ZEB2: variants seen among roughly 807,000 people sequenced by gnomAD.
ZEB2 encodes the protein zinc finger E-box binding homeobox 2.
ZEB2 carries 6 observed loss-of-function variants against 99.9 expected under a neutral mutation model. The observed-to-expected ratio is 0.06, with a 90% CI of 0.03 to 0.12. ZEB2 has a LOEUF of 0.12. Ranked by LOEUF, ZEB2 falls within the 10% of genes least tolerant of loss-of-function variation. The pLI is 1.00. For synonymous variants in ZEB2, 517 were observed against 542.5 expected, an observed-to-expected ratio of 0.95 and a Z score of 0.65; for missense variants, 969 against 1,502.8, an observed-to-expected ratio of 0.64 and a Z score of 5.87.
chr2:144,427,092 A>G (rs1703699787), intron 3 of ZEB2: 1 of 152,192 alleles, frequency 6.6e-6, no homozygotes, highest in African/African-American at 2.4e-5. Flanking sequence ...CACTTGTAAA[A>G]GTTTGCGTCT....
At chr2:144,439,347 TAG>T (rs1703877844) in intron 2 of ZEB2, among the ~76,000 whole-genome samples, 1 of 152,012 alleles carries the variant, frequency 6.6e-6, no homozygotes, top group Non-Finnish European at 1.5e-5. Context: ...GCAAAAGGGG[TAG>T]AAAAGATCTT....
At chr2:144,423,371 T>A (rs1295145740) in intron 4 of ZEB2, among the ~76,000 whole-genome samples, 3 of 152,368 alleles carry the variant, frequency 2.0e-5, no homozygotes, top group Admixed American at 1.3e-4. Flanking sequence ...ATAGAAAGTA[T>A]CTAATTCATG....
intron 2 of ZEB2, among the ~76,000 whole-genome samples, chr2:144,486,429 AG>A (rs1704598934): frequency 6.6e-6 from 1 of 152,064 alleles, no homozygotes; most frequent in African/African-American, 2.4e-5. Context: ...ATAAAATAAA[AG>A]AATGGTCATT....
chr2:144,445,706 C>G (rs933036992), intron 2 of ZEB2, among the ~76,000 whole-genome samples: 1 of 152,018 alleles, frequency 6.6e-6, no homozygotes. Flanking sequence ...AAATGCACCC[C>G]TCATTTTTTG....
chr2:144,456,117 GTT>G (rs531749927), intron 2 of ZEB2, among the ~76,000 whole-genome samples: 1 of 146,114 alleles, frequency 6.8e-6, no homozygotes, highest in Admixed American at 6.9e-5. Context: ...TTGTTCCATT[GTT>G]TTTTTTTTTT....
chr2:144,452,315 C>T (rs1252493238), intron 2 of ZEB2, among the ~76,000 whole-genome samples: 6 of 151,880 alleles, frequency 4.0e-5, no homozygotes, highest in Middle Eastern at 3.4e-3. Context: ...CTCCTATACG[C>T]GGCTGAAGTA....
At chr2:144,513,466 T>C in intron 2 of ZEB2, 1 of 1,501,336 alleles carries the variant, frequency 6.7e-7, no homozygotes, top group Non-Finnish European at 8.9e-7. Flanking sequence ...TTTCTTCTCC[T>C]ATTTCCCTTT....
chr2:144,407,589 A>C (rs1377898468), intron 4 of ZEB2, among the ~76,000 whole-genome samples: 1 of 152,212 alleles, frequency 6.6e-6, no homozygotes, highest in East Asian at 1.9e-4. Context: ...TTTTGATGGG[A>C]AGAAAGGATA....
At chr2:144,459,939 T>C (rs1472021249) in intron 2 of ZEB2, among the ~76,000 whole-genome samples, 2 of 152,114 alleles carry the variant, frequency 1.3e-5, no homozygotes, top group African/African-American at 2.4e-5. Context: ...CTGTGCATCA[T>C]AGGCATGCAA....
chr2:144,493,659 C>T (rs1053681445), intron 2 of ZEB2, among the ~76,000 whole-genome samples: 1 of 152,084 alleles, frequency 6.6e-6, no homozygotes, highest in Non-Finnish European at 1.5e-5. Context: ...TGAAGCAGCT[C>T]GCCTTGCAGC....
intron 4 of ZEB2, among the ~76,000 whole-genome samples, chr2:144,409,759 C>T (rs953021308): frequency 1.3e-4 from 20 of 152,028 alleles, no homozygotes; most frequent in South Asian, 1.0e-3. Context: ...CATGGTGGTG[C>T]GTGCCTGTGG....
At chr2:144,447,179 A>T (rs1373776407) in intron 2 of ZEB2, among the ~76,000 whole-genome samples, 2 of 152,158 alleles carry the variant, frequency 1.3e-5, no homozygotes, top group African/African-American at 4.8e-5. Flanking sequence ...TACACGCAAG[A>T]TTTCTCTGGC....
chr2:144,430,353 A>G (rs1012304723), intron 2 of ZEB2, among the ~76,000 whole-genome samples: 10 of 152,086 alleles, frequency 6.6e-5, no homozygotes, highest in Non-Finnish European at 1.3e-4. Flanking sequence ...CTCCACAAAA[A>G]CTTATAAAAT....
At chr2:144,458,584 A>G (rs1234877766) in intron 2 of ZEB2, among the ~76,000 whole-genome samples, 3 of 152,192 alleles carry the variant, frequency 2.0e-5, no homozygotes, top group African/African-American at 7.2e-5. Flanking sequence ...GACAGAAGAC[A>G]CAAGAGATAC....
At chr2:144,479,682 T>TGGG (rs140945730) in intron 2 of ZEB2, among the ~76,000 whole-genome samples, 2,968 of 29,082 alleles carry the variant, frequency 0.1, 418 homozygotes, top group Non-Finnish European at 0.17. Flanking sequence ...CTACTTTTTT[T>TGGG]TGGGGGGGGG....
intron 2 of ZEB2, among the ~76,000 whole-genome samples, chr2:144,472,960 A>C (rs764683267): frequency 6.6e-5 from 10 of 152,194 alleles, no homozygotes; most frequent in Non-Finnish European, 1.2e-4. Context: ...CTCAGAGAGA[A>C]TGAATGGACC....
intron 2 of ZEB2, chr2:144,514,003 T>C: frequency 2.2e-6 from 2 of 893,998 alleles, no homozygotes; most frequent in Non-Finnish European, 3.2e-6. Context: ...CCCTCTTTCC[T>C]CCTGCACATC....
At chr2:144,474,736 C>T (rs1354015073) in intron 2 of ZEB2, among the ~76,000 whole-genome samples, 1 of 152,134 alleles carries the variant, frequency 6.6e-6, no homozygotes, top group Non-Finnish European at 1.5e-5. Context: ...CATCACCATC[C>T]ATAACCATGA....
At chr2:144,447,005 GAC>G (rs1323944219) in intron 2 of ZEB2, among the ~76,000 whole-genome samples, 13 of 134,078 alleles carry the variant, frequency 9.7e-5, no homozygotes, top group African/African-American at 3.4e-4. Flanking sequence ...GACAGAGTGA[GAC>G]ACTGTTTCAA....
Sources: allele counts gnomAD v4.1 joint callset (sites outside exome capture counted in the v4.1 genomes callset), GRCh38; gene constraint gnomAD v4.1.1; transcripts MANE v1.5; gene names NCBI Gene and HGNC (gene_info 2026-07-23, HGNC 2026-07-21).